Variants in ATP6V0E1 observed in about 807,000 individuals in gnomAD.
ATP6V0E1 encodes the protein V-type proton ATPase subunit e 1.
Under a neutral mutation model 11.6 loss-of-function variants are expected in ATP6V0E1, and 4 were observed. The observed-to-expected ratio is 0.35, with a 90% CI of 0.17 to 0.79. The LOEUF (loss-of-function observed/expected upper bound fraction) is 0.79. Ranked by LOEUF, ATP6V0E1 falls within the 30% of genes least tolerant of loss-of-function variation. The probability of loss-of-function intolerance (pLI) is 0.54; values close to 1 mark genes in which losing one functional copy is unlikely to be tolerated. For synonymous variants in ATP6V0E1, 36 were observed against 34.8 expected (o/e 1.04, Z -0.13); for missense variants, 105 against 100.0 (o/e 1.05, Z -0.21).
At chr5:173,031,608 GGAGATT>G (rs943463796) in intron 3 of ATP6V0E1, among the ~76,000 whole-genome samples, 3 of 150,968 alleles carry the variant, frequency 2.0e-5, no homozygotes, top group African/African-American at 4.9e-5. Flanking sequence ...CACGAGGTCA[GGAGATT>G]GAGACCACCC....
chr5:173,026,000 A>G (rs977560118), intron 3 of ATP6V0E1, among the ~76,000 whole-genome samples: 2 of 151,434 alleles, frequency 1.3e-5, no homozygotes, highest in Non-Finnish European at 1.5e-5. Flanking sequence ...TCAAATAATA[A>G]TATTTTTTTT....
intron 3 of ATP6V0E1, among the ~76,000 whole-genome samples, chr5:173,032,867 C>G (rs1482781622): frequency 2.0e-5 from 3 of 152,024 alleles, no homozygotes; most frequent in African/African-American, 7.3e-5. Flanking sequence ...GAAGCCAAGG[C>G]AAGAGGAAAC....
intron 1 of ATP6V0E1, chr5:172,986,989 T>C (rs879800972): frequency 4.2e-6 from 1 of 240,066 alleles, no homozygotes; most frequent in Non-Finnish European, 8.3e-6. Flanking sequence ...GATTTCACCA[T>C]GTTGGCCAGG....
chr5:173,020,709 A>T (rs1193103475), intron 3 of ATP6V0E1: 1 of 519,772 alleles, frequency 1.9e-6, no homozygotes, highest in East Asian at 5.4e-5. Context: ...TGGCAGATTT[A>T]AAATTGAGCA....
Position 173,034,439 on chromosome 5 carries a change from C to G in ATP6V0E1, c.*77C>G, listed in dbSNP as rs1164457091. 1 of 702,860 alleles carries G rather than the reference C, an allele frequency of 1.4e-6. No homozygotes were observed. The highest frequency in any genetic ancestry group is 2.6e-6 in the Non-Finnish European group (1 of 384,984). The allele number at this position is 702,860 out of a possible 1,614,324, so 43.5% of individuals were successfully genotyped here. On this transcript the variant is annotated 3_prime_UTR_variant, in exon 4 of 4. Transcript: ENST00000519374. ...TGCCTTCTAGATGCAAAATCACCTC[C>G]AAACCAGACCACTTTTCTTGACTTG...
intron 1 of ATP6V0E1, among the ~76,000 whole-genome samples, chr5:172,985,193 C>A (rs1437845445): frequency 2.7e-5 from 4 of 148,700 alleles, no homozygotes; most frequent in African/African-American, 7.5e-5. Context: ...TGCAGTGAGC[C>A]GAGATCGCGC....
At chr5:173,031,487 A>AC (rs1157345118) in intron 3 of ATP6V0E1, among the ~76,000 whole-genome samples, 2 of 127,858 alleles carry the variant, frequency 1.6e-5, no homozygotes, top group Non-Finnish European at 3.2e-5. Flanking sequence ...CTTCAGCCCC[A>AC]CCCCCAGTCA....
chr5:173,008,081 G>A (rs1210397411), intron 2 of ATP6V0E1, among the ~76,000 whole-genome samples: 3 of 152,234 alleles, frequency 2.0e-5, no homozygotes, highest in Non-Finnish European at 2.9e-5. Flanking sequence ...TCCGGCCTAC[G>A]CCTGAAATGT....
chr5:173,021,974 G>T (rs1202204618), intron 3 of ATP6V0E1, among the ~76,000 whole-genome samples: 3 of 152,214 alleles, frequency 2.0e-5, no homozygotes, highest in African/African-American at 7.2e-5. Flanking sequence ...GGCAGAGCTT[G>T]CAGTGAGGCG....
intron 2 of ATP6V0E1, among the ~76,000 whole-genome samples, chr5:173,008,815 G>A (rs919533289): frequency 6.7e-6 from 1 of 149,698 alleles, no homozygotes; most frequent in South Asian, 2.1e-4. Context: ...GGAGGCTGAG[G>A]CAGGAGAATG....
At chr5:172,991,656 A>G (rs569583080) in intron 1 of ATP6V0E1, among the ~76,000 whole-genome samples, 10 of 152,308 alleles carry the variant, frequency 6.6e-5, no homozygotes, top group Non-Finnish European at 1.3e-4. Flanking sequence ...TTGATTCTGT[A>G]GGTCTTCAAA....
At chr5:172,991,987 C>T (rs1184634845) in intron 1 of ATP6V0E1, among the ~76,000 whole-genome samples, 1 of 142,150 alleles carries the variant, frequency 7.0e-6, no homozygotes, top group Non-Finnish European at 1.5e-5. Flanking sequence ...ATTTTTCTTT[C>T]TTTCCTTCTT....
At chr5:173,022,563 T>C (rs1443945840) in intron 3 of ATP6V0E1, among the ~76,000 whole-genome samples, 2 of 152,208 alleles carry the variant, frequency 1.3e-5, no homozygotes, top group African/African-American at 2.4e-5. Flanking sequence ...AACTGCAGTC[T>C]TGACCTCCTG....
At chr5:172,991,594 G>C (rs1003678679) in intron 1 of ATP6V0E1, among the ~76,000 whole-genome samples, 1 of 152,134 alleles carries the variant, frequency 6.6e-6, no homozygotes. Flanking sequence ...TGCACGTAGG[G>C]GGAGGTGAGA....
chr5:173,013,705 C>T (rs577772686), intron 2 of ATP6V0E1, among the ~76,000 whole-genome samples: 1 of 152,068 alleles, frequency 6.6e-6, no homozygotes, highest in African/African-American at 2.4e-5. Flanking sequence ...ACAAATAATC[C>T]TATTGAGAAA....
At chr5:173,018,979 A>G (rs2113606272) in intron 2 of ATP6V0E1, among the ~76,000 whole-genome samples, 1 of 152,228 alleles carries the variant, frequency 6.6e-6, no homozygotes, top group South Asian at 2.1e-4. Flanking sequence ...TTTTAGAGAC[A>G]GGGTCTCACT....
At chr5:172,994,733 T>C in intron 1 of ATP6V0E1, 42 bp from the exon 2 acceptor site, 1 of 1,476,106 alleles carries the variant, frequency 6.8e-7, no homozygotes, top group Non-Finnish European at 9.3e-7. Context: ...TTGCATAGTT[T>C]GCTAGTTATT....
At chr5:173,023,011 C>T (rs1468220628) in intron 3 of ATP6V0E1, among the ~76,000 whole-genome samples, 1 of 151,820 alleles carries the variant, frequency 6.6e-6, no homozygotes, top group Non-Finnish European at 1.5e-5. Context: ...AGGCACGCAG[C>T]ACCACGTGTG....
At chr5:173,027,752 C>G (rs1014100272) in intron 3 of ATP6V0E1, among the ~76,000 whole-genome samples, 3 of 151,998 alleles carry the variant, frequency 2.0e-5, no homozygotes, top group Non-Finnish European at 4.4e-5. Flanking sequence ...ATGTGCCTGG[C>G]AATAATACCA....
Sources: allele counts gnomAD v4.1 joint callset (sites outside exome capture counted in the v4.1 genomes callset), GRCh38; gene constraint gnomAD v4.1.1; transcripts MANE v1.5; gene names NCBI Gene and HGNC (gene_info 2026-07-23, HGNC 2026-07-21).